Variants in ADK observed in about 807,000 individuals in gnomAD.
The protein encoded by ADK is N6,N6-dimethyladenosine kinase.
ADK carries 24 observed loss-of-function variants against 44.7 expected under a neutral mutation model. The ratio of observed to expected loss-of-function variants is 0.54; its 90% confidence interval spans 0.39 to 0.76. The LOEUF (loss-of-function observed/expected upper bound fraction) is 0.76, where lower values mean the gene tolerates loss of function less well. ADK is among the 30% of genes least tolerant of loss of function. The probability of loss-of-function intolerance (pLI) is 0.00; values close to 1 mark genes in which losing one functional copy is unlikely to be tolerated. For missense variants in ADK, 321 were observed against 425.1 expected, an observed-to-expected ratio of 0.76 and a Z score of 2.15; for synonymous variants, 128 against 142.6, an observed-to-expected ratio of 0.90 and a Z score of 0.73.
intron 1 of ADK, among the ~76,000 whole-genome samples, chr10:74,159,243 C>A (rs1841830295): frequency 6.6e-6 from 1 of 152,132 alleles, no homozygotes; most frequent in South Asian, 2.1e-4. Context: ...ATTTTCTTTA[C>A]AATTTAGAAG....
In ADK at chr10:74,598,639, C is replaced by T. The variant is rs140730750; in HGVS notation, c.763-1740C>T. On this transcript the variant is annotated intron_variant, in intron 8 of 10. Transcript: ENST00000539909. Reference sequence around the variant, plus strand: ...CTAATTTTTGTATTTTTAGTAAAGACGGGATTTCACCATGTTAGCCAGGAT... The same window carrying T: ...CTAATTTTTGTATTTTTAGTAAAGATGGGATTTCACCATGTTAGCCAGGAT... Among the ~76,000 whole-genome samples the T allele has an allele frequency of 7.9e-3, 1,198 of 151,646 alleles. 16 individuals are homozygous for T. The highest frequency in any genetic ancestry group is 0.027 in the African/African-American group (1,126 of 41,340).
chr10:74,394,388 AT>A, intron 5 of ADK, 75 bp downstream of exon 5: 2 of 1,435,350 alleles, frequency 1.4e-6, no homozygotes, highest in Non-Finnish European at 1.9e-6. Context: ...TCCAATGTGA[AT>A]TTGGAATTTT....
chr10:74,406,523 T>TAAGAAG (rs1378751334), intron 6 of ADK, among the ~76,000 whole-genome samples: 10 of 56,056 alleles, frequency 1.8e-4, no homozygotes, highest in Non-Finnish European at 2.7e-4. Context: ...ATAATAATAA[T>TAAGAAG]AATAAGAAGA....
chr10:74,443,606 C>A (rs946783025), intron 6 of ADK, among the ~76,000 whole-genome samples: 1 of 152,104 alleles, frequency 6.6e-6, no homozygotes, highest in Non-Finnish European at 1.5e-5. Flanking sequence ...GACAACTAAT[C>A]TAAAATTGAC....
chr10:74,373,614 G>A (rs1842735296), intron 4 of ADK, among the ~76,000 whole-genome samples: 1 of 152,156 alleles, frequency 6.6e-6, no homozygotes, highest in African/African-American at 2.4e-5. Flanking sequence ...AAACTACAAT[G>A]AGATACCATT....
intron 6 of ADK, among the ~76,000 whole-genome samples, chr10:74,505,788 T>A (rs962350443): frequency 2.0e-5 from 3 of 152,208 alleles, no homozygotes; most frequent in Non-Finnish European, 2.9e-5. Flanking sequence ...TGTGTAATGA[T>A]CTTTAAAGGT....
At chr10:74,703,553 G>A (rs1029846199) in intron 10 of ADK, among the ~76,000 whole-genome samples, 4 of 152,086 alleles carry the variant, frequency 2.6e-5, no homozygotes, top group Admixed American at 6.6e-5. Flanking sequence ...AAAAATGTCC[G>A]TATCTCAAAA....
At chr10:74,270,202 A>G (rs995866778) in intron 3 of ADK, among the ~76,000 whole-genome samples, 5 of 152,176 alleles carry the variant, frequency 3.3e-5, no homozygotes, top group Non-Finnish European at 7.3e-5. Flanking sequence ...CCAAAGTGCT[A>G]TTGCTTAGTG....
At chr10:74,631,194 T>C (rs1465603188) in intron 9 of ADK, among the ~76,000 whole-genome samples, 1 of 152,048 alleles carries the variant, frequency 6.6e-6, no homozygotes, top group East Asian at 1.9e-4. Context: ...TAAGAATTTA[T>C]ACACACATCT....
chr10:74,306,881 A>G (rs896899966), intron 3 of ADK, among the ~76,000 whole-genome samples: 2 of 152,178 alleles, frequency 1.3e-5, no homozygotes, highest in African/African-American at 4.8e-5. Flanking sequence ...TTTCTAGCTT[A>G]ATTTCTTTCT....
chr10:74,325,038 A>G (rs1424694486), intron 4 of ADK, among the ~76,000 whole-genome samples: 1 of 152,122 alleles, frequency 6.6e-6, no homozygotes, highest in Non-Finnish European at 1.5e-5. Context: ...GAAGATTATC[A>G]TTGTCATTTG....
intron 4 of ADK, among the ~76,000 whole-genome samples, chr10:74,325,950 C>T (rs1840991818): frequency 1.3e-5 from 2 of 152,032 alleles, no homozygotes; most frequent in South Asian, 4.1e-4. Context: ...ATTCTTCCGC[C>T]TCAGCCTCCC....
intron 6 of ADK, among the ~76,000 whole-genome samples, chr10:74,472,153 T>C (rs957643742): frequency 2.6e-5 from 4 of 152,092 alleles, no homozygotes; most frequent in African/African-American, 9.7e-5. Flanking sequence ...CAGTGAGCTG[T>C]GGTCATACCA....
intron 3 of ADK, among the ~76,000 whole-genome samples, chr10:74,280,947 G>C (rs1254088578): frequency 6.6e-6 from 1 of 152,154 alleles, no homozygotes; most frequent in African/African-American, 2.4e-5. Context: ...AGTTAATCAA[G>C]TTGAGATATT....
At chr10:74,477,169 T>G (rs551447830) in intron 6 of ADK, among the ~76,000 whole-genome samples, 1 of 152,332 alleles carries the variant, frequency 6.6e-6, no homozygotes, top group South Asian at 2.1e-4. Context: ...CACATTTAGA[T>G]CTGTAACTTC....
intron 9 of ADK, among the ~76,000 whole-genome samples, chr10:74,653,479 G>A (rs969457539): frequency 2.0e-5 from 3 of 151,916 alleles, no homozygotes; most frequent in Non-Finnish European, 4.4e-5. Context: ...GGAATAACAT[G>A]CGTATGATCC....
intron 2 of ADK, among the ~76,000 whole-genome samples, chr10:74,210,792 T>TAG (rs112456734): frequency 0.17 from 26,588 of 152,142 alleles, 2,759 homozygotes; most frequent in African/African-American, 0.29. Context: ...AAAAAATATT[T>TAG]AGTGTCAAGT....
chr10:74,706,105 G>A (rs973573185), intron 10 of ADK, among the ~76,000 whole-genome samples: 9 of 151,998 alleles, frequency 5.9e-5, no homozygotes, highest in Non-Finnish European at 8.8e-5. Flanking sequence ...AGGCCAAGGC[G>A]GGCAGATTAC....
chr10:74,360,985 G>A (rs756068312), intron 4 of ADK, among the ~76,000 whole-genome samples: 1 of 152,034 alleles, frequency 6.6e-6, no homozygotes, highest in Non-Finnish European at 1.5e-5. Flanking sequence ...TCGGCTCACT[G>A]CAACCTCCAA....
Sources: allele counts gnomAD v4.1 joint callset (sites outside exome capture counted in the v4.1 genomes callset), GRCh38; gene constraint gnomAD v4.1.1; transcripts MANE v1.5; gene names NCBI Gene and HGNC (gene_info 2026-07-23, HGNC 2026-07-21).